Variants in AGBL2 observed in about 807,000 individuals in gnomAD.
The protein encoded by AGBL2 is AGBL carboxypeptidase 2.
A neutral mutation model predicts 103.0 loss-of-function variants in AGBL2; 87 were observed. The ratio of observed to expected loss-of-function variants is 0.84; its 90% CI spans 0.71 to 1.01. AGBL2 has a LOEUF of 1.01. AGBL2 is among the 50% of genes least tolerant of loss of function. The pLI is 0.00. For synonymous variants in AGBL2, 335 were observed against 356.7 expected (o/e 0.94, Z 0.69); for missense variants, 904 against 1,023.5 (o/e 0.88, Z 1.59).
chr11:47,701,770 C>G (rs1017750621), intron 7 of AGBL2, among the ~76,000 whole-genome samples: 1 of 151,848 alleles, frequency 6.6e-6, no homozygotes, highest in Non-Finnish European at 1.5e-5. Context: ...GTCATGAGTT[C>G]GAGACCAGCC....
At chr11:47,686,855 A>C (rs973618142) in intron 10 of AGBL2, among the ~76,000 whole-genome samples, 3 of 150,744 alleles carry the variant, frequency 2.0e-5, no homozygotes, top group Non-Finnish European at 4.4e-5. Context: ...GCTACTTGGC[A>C]GGCTGAGGCA....
At chr11:47,669,456 G>A (rs2097350722) in intron 14 of AGBL2, among the ~76,000 whole-genome samples, 1 of 152,016 alleles carries the variant, frequency 6.6e-6, no homozygotes, top group Non-Finnish European at 1.5e-5. Flanking sequence ...GATCACCTTG[G>A]TCAGGAGGTG....
Position 47,685,990 on chromosome 11 carries a change from T to C in AGBL2, c.1691A>G (p.Asn564Ser). 1.2e-6 allele frequency: 2 copies of C among 1,614,050 alleles called. No individual in the cohort carries two copies. The highest frequency in any genetic ancestry group is 1.7e-6 in the Non-Finnish European group (2 of 1,179,952). Reference protein sequence around the residue: ...YCDFHGHSRKNNIFLYGCNNN... With the variant: ...YCDFHGHSRKSNIFLYGCNNN... ...ATTACAGCCATACAGGAAGATATTA[T>C]TCTTACGACTGTGGCCATGGAAATC... is the stretch of plus-strand genomic sequence containing the variant. The change falls in exon 11 of 19, where the codon AAT becomes AGT. Residue 564 changes from asparagine to serine, a missense_variant. Physicochemically the swap from Asn to Ser is conservative, Grantham distance 46. Transcript: ENST00000525123.
At position 47,704,524 on chromosome 11, in the gene AGBL2, TGTGA is replaced by T. The variant is rs2097510594; in HGVS notation, c.586+15_586+18del. ...AAGTCAGGCAGAATAGCAAGACCAC[TGTGA>T]GTAAGTCATATTACCAATATGATGG... On this transcript the variant is annotated intron_variant, in intron 7 of 18. Coordinates refer to ENST00000525123, the MANE Select transcript of AGBL2 (RefSeq NM_024783.4). The T allele has an allele frequency of 5.1e-6, 8 of 1,557,704 alleles. No homozygotes were observed. Among genetic ancestry groups the T allele is most frequent in the Admixed American group, 1.8e-5 (1 of 54,518 alleles).
At position 47,659,612 on chromosome 11, in the gene AGBL2, C is replaced by T. The variant is rs1377047441; in HGVS notation, c.*561G>A. On this transcript the variant is annotated 3_prime_UTR_variant, in exon 19 of 19. Transcript: ENST00000525123. ...CTGGTTAGAGAGAAAGAATTTTAAT[C>T]ATCAGCCTAAAAAAATTACAAAACC... is the stretch of plus-strand genomic sequence containing the variant. 1 of 152,114 alleles carries T rather than the reference C, an allele frequency of 6.6e-6. No homozygotes were observed. The highest frequency in any genetic ancestry group is 2.4e-5 in the African/African-American group (1 of 41,430). 9.4% of individuals were successfully genotyped at this position (152,114 alleles called of 1,614,324 possible). A position where few individuals can be genotyped will look rare whatever the true frequency, so the allele number is the denominator to read the frequency against.
At chr11:47,675,199 C>CTTT (rs34012734) in intron 14 of AGBL2, among the ~76,000 whole-genome samples, 55 of 58,198 alleles carry the variant, frequency 9.5e-4, no homozygotes, top group Admixed American at 1.3e-3. Flanking sequence ...TCCCACCAGT[C>CTTT]TTTTTTTTTT....
chr11:47,692,371 T>G, intron 8 of AGBL2, 115 bp from the exon 9 acceptor site: 6 of 596,812 alleles, frequency 1.0e-5, no homozygotes, highest in Non-Finnish European at 1.1e-5. Context: ...ATGAAATTTC[T>G]AATTTTCAAC....
Position 47,690,567 on chromosome 11 carries a change from G to C in AGBL2, c.1140C>G (p.Thr380=), listed in dbSNP as rs749057812. ...TGTCCTGGTCATATGGAAACTGAATGGTCCACGTGAGACAGTAGAAGGGCT... is the reference window on the plus strand; with the variant it reads ...TGTCCTGGTCATATGGAAACTGAATCGTCCACGTGAGACAGTAGAAGGGCT... ...GQQPFYCLTW[T]IQFPYDQDTC... The change falls in exon 10 of 19, where the codon ACC becomes ACG. Residue 380 remains threonine (T), a synonymous_variant. Coordinates refer to ENST00000525123, the MANE Select transcript of AGBL2 (RefSeq NM_024783.4). The C allele has an allele frequency of 6.2e-7, 1 of 1,614,174 alleles. No homozygotes were observed. Among genetic ancestry groups the C allele is most frequent in the South Asian group, 1.1e-5 (1 of 91,082 alleles).
chr11:47,686,447 GTTTTTTTTTT>G (rs563969184), intron 10 of AGBL2, among the ~76,000 whole-genome samples: 5 of 105,078 alleles, frequency 4.8e-5, no homozygotes, highest in Admixed American at 1.2e-4. Context: ...TTTGTTTCTG[GTTTTTTTTTT>G]TTTTTTTTTT....
At chr11:47,694,310 T>A (rs2097459053) in intron 8 of AGBL2, among the ~76,000 whole-genome samples, 1 of 151,812 alleles carries the variant, frequency 6.6e-6, no homozygotes, top group Non-Finnish European at 1.5e-5. Flanking sequence ...TAAGTCAGGC[T>A]GCCAAAAACT....
chr11:47,664,470 G>C (rs1476165870), intron 17 of AGBL2, among the ~76,000 whole-genome samples: 2 of 151,138 alleles, frequency 1.3e-5, no homozygotes, highest in Admixed American at 1.3e-4. Context: ...GGAGTGCAGT[G>C]GCGTGATCTC....
In AGBL2 at chr11:47,685,878, A is replaced by T. The variant is rs2097421520; in HGVS notation, c.1788+15T>A. 6 of 1,610,588 alleles carry T rather than the reference A, an allele frequency of 3.7e-6. No homozygotes were observed. In the South Asian group the frequency reaches 5.5e-5, roughly 15 times the overall value. Reference sequence around the variant, plus strand: ...TCCCTAACTCAATGGAGAGAAAATTACATTATGTGCTTACCTTATCTGGTG... The same window carrying T: ...TCCCTAACTCAATGGAGAGAAAATTTCATTATGTGCTTACCTTATCTGGTG... On this transcript the variant is annotated intron_variant, in intron 11 of 18. Transcript: ENST00000525123.
At position 47,671,439 on chromosome 11, in the gene AGBL2, G is replaced by A. The variant is rs550604107; in HGVS notation, c.2148-2532C>T. Among the ~76,000 whole-genome samples, 6 of 152,292 alleles carry A rather than the reference G, an allele frequency of 3.9e-5. No homozygotes were observed. The East Asian group carries it at 1.2e-3, about 29-fold the overall frequency. ...GGAGGCTGAGGCATGAGAATTGCTT[G>A]AACCCGGGAGGTGGAGATTGCAGTG... On this transcript the variant is annotated intron_variant, in intron 14 of 18. Transcript: ENST00000525123.
At chr11:47,662,432 A>G (rs1407093638) in intron 18 of AGBL2, among the ~76,000 whole-genome samples, 1 of 149,074 alleles carries the variant, frequency 6.7e-6, no homozygotes, top group South Asian at 2.1e-4. Flanking sequence ...CACTCGCCTC[A>G]GCCTCCTAAA....
intron 17 of AGBL2, among the ~76,000 whole-genome samples, chr11:47,664,781 C>T (rs1329380496): frequency 8.6e-5 from 13 of 151,952 alleles, no homozygotes; most frequent in Admixed American, 7.9e-4. Context: ...TGGTCTTGAC[C>T]TCCTGGCCTG....
At chr11:47,677,245 A>G (rs201414216) in intron 14 of AGBL2, 26 bp downstream of exon 14, 3 of 1,564,990 alleles carry the variant, frequency 1.9e-6, no homozygotes, top group Admixed American at 1.9e-5. Flanking sequence ...TTAAAAAAAA[A>G]CAAAACTCTG....
At chr11:47,691,411 T>A (rs1192786331) in intron 9 of AGBL2, among the ~76,000 whole-genome samples, 2 of 151,330 alleles carry the variant, frequency 1.3e-5, no homozygotes, top group East Asian at 3.9e-4. Context: ...ATTTTTATTT[T>A]AAAAATATAT....
At chr11:47,705,665 A>G (rs567709818) in intron 5 of AGBL2, 31 bp from the exon 6 acceptor site, 3 of 597,624 alleles carry the variant, frequency 5.0e-6, no homozygotes, top group South Asian at 2.1e-5. Context: ...AAAGAAAAAG[A>G]AAAAGAAGAA....
intron 7 of AGBL2, among the ~76,000 whole-genome samples, chr11:47,700,476 G>A (rs2097493948): frequency 6.6e-6 from 1 of 152,040 alleles, no homozygotes; most frequent in African/African-American, 2.4e-5. Flanking sequence ...CTACTCGGGA[G>A]GCTGAGGTAG....
Sources: allele counts gnomAD v4.1 joint callset (sites outside exome capture counted in the v4.1 genomes callset), GRCh38; gene constraint gnomAD v4.1.1; transcripts MANE v1.5; gene names NCBI Gene and HGNC (gene_info 2026-07-23, HGNC 2026-07-21).